The following SRRM1 variants were observed in gnomAD, a reference collection of about 807,000 sequenced individuals.
SRRM1 encodes the protein serine and arginine repetitive matrix 1, also known as serine/arginine repetitive matrix protein 1.
Under a neutral mutation model 110.2 loss-of-function variants are expected in SRRM1, and 19 were observed. That is an observed-to-expected ratio of 0.17 (90% confidence interval 0.12 to 0.25). The LOEUF is 0.25. Among genes scored for constraint, SRRM1 ranks in the 10% least tolerant of loss-of-function variants. The pLI, the probability that SRRM1 is intolerant of heterozygous loss-of-function variation, is 1.00. For synonymous variants in SRRM1, 443 were observed against 414.9 expected (o/e 1.07, Z -0.82); for missense variants, 918 against 1,145.8 (o/e 0.80, Z 2.87).
intron 14 of SRRM1, 71 bp downstream of exon 14, chr1:24,669,658 C>G (rs982909965): frequency 8.5e-7 from 1 of 1,175,924 alleles, no homozygotes; most frequent in African/African-American, 1.5e-5. Context: ...TTCCCCCCAC[C>G]CCCATATAAA....
Position 24,662,763 on chromosome 1 carries a change from T to C in SRRM1, c.1587T>C (p.Ala529=). The part of the protein sequence containing the change: ...RRRRHSPSRS[A]SPSPRKRQKE... ...GGAGACATTCCCCTTCCCGGAGTGC[T>C]TCTCCATCACCACGAAAGCGCCAAA... is the stretch of plus-strand genomic sequence containing the variant. Residue 529 remains alanine, a synonymous_variant, in exon 12 of 17, where the codon GCT becomes GCC. Coordinates refer to ENST00000323848, the MANE Select transcript of SRRM1 (RefSeq NM_005839.4). 6.2e-7 allele frequency: 1 copy of C among 1,614,230 alleles called. No individual in the cohort carries two copies. The highest frequency in any genetic ancestry group is 8.5e-7 in the Non-Finnish European group (1 of 1,180,032).
intron 8 of SRRM1, chr1:24,654,314 G>A: frequency 7.8e-7 from 1 of 1,289,642 alleles, no homozygotes; most frequent in Non-Finnish European, 1.0e-6. Context: ...AGGTTCTCAG[G>A]AATTCTTCCG....
Position 24,673,085 on chromosome 1 carries a change from C to T in SRRM1, c.*799C>T, listed in dbSNP as rs1673380295. On this transcript the variant is annotated 3_prime_UTR_variant, in exon 17 of 17. Coordinates refer to ENST00000323848, the MANE Select transcript of SRRM1 (RefSeq NM_005839.4). ...GCTCTGTTCATATTTTTGTCTTGTT[C>T]TTCCAATTGGTATATACAACTTTCA... 6.6e-6 allele frequency: 1 copy of T among 151,780 alleles called. No individual in the cohort carries two copies. The highest frequency in any genetic ancestry group is 2.4e-5 in the African/African-American group (1 of 41,304). The allele number at this position is 151,780 out of a possible 1,614,324, so 9.4% of individuals were successfully genotyped here. A position where few individuals can be genotyped will look rare whatever the true frequency, so the allele number is the denominator to read the frequency against.
At chr1:24,649,539 G>C (rs1441010892) in intron 4 of SRRM1, among the ~76,000 whole-genome samples, 1 of 152,130 alleles carries the variant, frequency 6.6e-6, no homozygotes, top group South Asian at 2.1e-4. Context: ...GACTTGTCTC[G>C]AACTCCTGAC....
intron 8 of SRRM1, among the ~76,000 whole-genome samples, chr1:24,654,117 G>A (rs1662644896): frequency 6.6e-6 from 1 of 152,196 alleles, no homozygotes; most frequent in Non-Finnish European, 1.5e-5. Flanking sequence ...CCTTTTAGGA[G>A]AAAAGTAATG....
At chr1:24,669,757 A>G (rs1471918731) in intron 14 of SRRM1, 170 bp downstream of exon 14, 2 of 643,186 alleles carry the variant, frequency 3.1e-6, no homozygotes, top group African/African-American at 3.7e-5. Flanking sequence ...TTTCTGTGGT[A>G]TAAGTTAAAT....
chr1:24,647,777 A>G (rs1013989141), intron 3 of SRRM1: 1 of 152,584 alleles, frequency 6.6e-6, no homozygotes, highest in Non-Finnish European at 1.5e-5. Context: ...TTAAGAATGC[A>G]CTTTCTATAA....
chr1:24,668,073 G>T (rs990301309), intron 13 of SRRM1, among the ~76,000 whole-genome samples: 7 of 142,748 alleles, frequency 4.9e-5, no homozygotes, highest in Non-Finnish European at 9.0e-5. Context: ...CTGGGTTCAA[G>T]CGATTCTCCT....
intron 9 of SRRM1, among the ~76,000 whole-genome samples, chr1:24,656,380 G>A (rs191367784): frequency 7.6e-4 from 116 of 152,280 alleles, no homozygotes; most frequent in African/African-American, 2.6e-3. Flanking sequence ...GTAGTGATAG[G>A]TTCATTAAAT....
chr1:24,655,547 C>T (rs908239628), intron 9 of SRRM1, among the ~76,000 whole-genome samples: 2 of 152,038 alleles, frequency 1.3e-5, no homozygotes, highest in Non-Finnish European at 1.5e-5. Context: ...GGTCGCATTG[C>T]GCTCCCAAGC....
Position 24,669,330 on chromosome 1 carries a change from C to G in SRRM1, c.1947C>G (p.Thr649=), listed in dbSNP as rs774268290. ...PPPKQRSSPV[T]KRRSPSLSSK... ...CCAAACAAAGAAGCTCCCCAGTCAC[C>G]AAGAGACGTTCACCTTCATTATCAT... Residue 649 remains threonine, a synonymous_variant, in exon 14 of 17, where the codon ACC becomes ACG. Coordinates refer to ENST00000323848, the MANE Select transcript of SRRM1 (RefSeq NM_005839.4). 6 of 1,614,066 alleles carry G rather than the reference C, an allele frequency of 3.7e-6. No homozygotes were observed. The highest frequency in any genetic ancestry group is 5.1e-6 in the Non-Finnish European group (6 of 1,180,056).
At chr1:24,644,977 G>A (rs915268861) in intron 1 of SRRM1, among the ~76,000 whole-genome samples, 6 of 152,072 alleles carry the variant, frequency 3.9e-5, no homozygotes, top group Non-Finnish European at 7.3e-5. Flanking sequence ...AGAGTTAACT[G>A]GATTTAAGAT....
intron 8 of SRRM1, among the ~76,000 whole-genome samples, chr1:24,654,027 G>T (rs1662593417): frequency 6.6e-6 from 1 of 152,194 alleles, no homozygotes; most frequent in Non-Finnish European, 1.5e-5. Context: ...CTGTTGCAAA[G>T]AATTGATGTG....
At chr1:24,666,591 G>A (rs977200400) in intron 12 of SRRM1, 10 of 398,226 alleles carry the variant, frequency 2.5e-5, no homozygotes, top group South Asian at 7.1e-5. Flanking sequence ...GTGAAACTCC[G>A]TCTCTACAAA....
intron 16 of SRRM1, among the ~76,000 whole-genome samples, chr1:24,671,832 A>G (rs1316479486): frequency 6.6e-6 from 1 of 151,470 alleles, no homozygotes; most frequent in East Asian, 1.9e-4. Flanking sequence ...TTTATTTAAA[A>G]TATTAACTAT....
intron 11 of SRRM1, among the ~76,000 whole-genome samples, chr1:24,661,647 G>A (rs1247489138): frequency 1.3e-5 from 2 of 152,122 alleles, no homozygotes; most frequent in Admixed American, 6.5e-5. Flanking sequence ...AATTGGAAAC[G>A]TATCATTCTT....
chr1:24,666,069 C>A (rs947491581), intron 12 of SRRM1, among the ~76,000 whole-genome samples: 4 of 152,158 alleles, frequency 2.6e-5, no homozygotes, highest in African/African-American at 9.7e-5. Context: ...ACCTGGAGAG[C>A]CTTTCCCAAA....
At chr1:24,667,602 G>C (rs1288751097) in intron 13 of SRRM1, among the ~76,000 whole-genome samples, 1 of 152,154 alleles carries the variant, frequency 6.6e-6, no homozygotes, top group Admixed American at 6.5e-5. Context: ...TACCTGACCA[G>C]TATTCAAAAG....
At chr1:24,672,120 C>T in intron 16 of SRRM1, 62 bp from the exon 17 acceptor site, 1 of 1,314,016 alleles carries the variant, frequency 7.6e-7, no homozygotes, top group Non-Finnish European at 1.1e-6. Context: ...TGATTCTGCT[C>T]TTTACTCGGC....
Sources: gnomAD v4.1 joint callset for allele counts (sites outside exome capture counted in the v4.1 genomes callset) on GRCh38, gnomAD v4.1.1 for gene constraint, MANE v1.5 for transcripts, NCBI Gene and HGNC (gene_info 2026-07-23, HGNC 2026-07-21) for gene names.